CLPB: variants seen among roughly 807,000 people sequenced by gnomAD.
CLPB encodes the protein mitochondrial disaggregase.
CLPB carries 40 observed loss-of-function variants against 78.4 expected under a neutral mutation model. That is an observed-to-expected ratio of 0.51 (90% CI 0.40 to 0.66). The LOEUF is 0.66. CLPB is among the 30% of genes least tolerant of loss of function. The pLI is 0.00. For missense variants in CLPB, 780 were observed against 886.9 expected (o/e 0.88, Z 1.53); for synonymous variants, 333 against 348.0 (o/e 0.96, Z 0.48).
intron 6 of CLPB, among the ~76,000 whole-genome samples, chr11:72,323,025 A>G (rs1444785377): frequency 6.6e-6 from 1 of 152,230 alleles, no homozygotes; most frequent in Non-Finnish European, 1.5e-5. Context: ...TGCACCGTCC[A>G]CCTGGAGATA....
At chr11:72,363,504 C>G (rs1487408948) in intron 4 of CLPB, 1 of 152,162 alleles carries the variant, frequency 6.6e-6, no homozygotes, top group East Asian at 1.9e-4. Context: ...GAACATGTTT[C>G]CATGAGAGGG....
rs773040549 is a variant in CLPB, at chr11:72,295,510, G to A, written c.1468C>T (p.Arg490Cys). 14 of 1,614,016 alleles carry A rather than the reference G, an allele frequency of 8.7e-6. No individual in the cohort carries two copies. Among genetic ancestry groups the A allele is most frequent in the South Asian group, 4.4e-5 (4 of 91,066 alleles). The change falls in exon 12 of 16, where the codon CGT (arginine) becomes TGT (cysteine). Residue 490 changes from arginine (R) to cysteine (C), a missense_variant. By Grantham distance (180) the Arg-to-Cys change is radical. Around this residue, in one of 3 missense-constraint regions of CLPB, gnomAD observed 272 missense variants for 304.0 expected, o/e 0.89. Coordinates refer to ENST00000538039, the MANE Select transcript of CLPB (RefSeq NM_001258392.3). ...GCCATACCCAGGTTTTCGGCAATACGGTTACGGCTCATCTCCAAAGCTTCC... is the reference window on the plus strand; with the variant it reads ...GCCATACCCAGGTTTTCGGCAATACAGTTACGGCTCATCTCCAAAGCTTCC... ...RQEALEMSRN[R>C]IAENLGDVQI...
At position 72,358,991 on chromosome 11, in the gene CLPB, C is replaced by A; in HGVS notation, c.664G>T (p.Asp222Tyr). 1.2e-6 allele frequency: 2 copies of A among 1,613,634 alleles called. No individual in the cohort carries two copies. Among genetic ancestry groups the A allele is most frequent in the Non-Finnish European group, 1.7e-6 (2 of 1,179,956 alleles). ...HSLEVLITRE[D>Y]DFNNRLNNRA... ...TTGTTCAGCCTGTTGTTGAAGTCAT[C>A]CTCTCGGGTGATCAGGACTGGGGAG... Residue 222 changes from aspartate to tyrosine, a missense_variant, in exon 5 of 16, where the codon GAT (aspartate) becomes TAT (tyrosine). Physicochemically the swap from Asp to Tyr is radical, Grantham distance 160. Around this residue, in one of 3 missense-constraint regions of CLPB, gnomAD observed 417 missense variants for 414.7 expected, o/e 1.01. Coordinates refer to ENST00000538039, the MANE Select transcript of CLPB (RefSeq NM_001258392.3).
At chr11:72,319,083 G>C (rs551665095) in intron 6 of CLPB, among the ~76,000 whole-genome samples, 2 of 152,294 alleles carry the variant, frequency 1.3e-5, no homozygotes, top group East Asian at 3.9e-4. Flanking sequence ...CTTCAGTGAT[G>C]AGTTCCAGAG....
chr11:72,421,407 TC>T (rs1175297687), intron 2 of CLPB, among the ~76,000 whole-genome samples: 1 of 152,084 alleles, frequency 6.6e-6, no homozygotes, highest in Non-Finnish European at 1.5e-5. Context: ...CCTCCACTCA[TC>T]AGAGCCGTAT....
intron 4 of CLPB, chr11:72,373,057 T>TCCTGCAGGC (rs772688376): frequency 3.3e-6 from 5 of 1,537,088 alleles, no homozygotes; most frequent in Non-Finnish European, 3.6e-6. Context: ...GCAGGCCAGG[T>TCCTGCAGGC]CCTGCAGGCC....
chr11:72,294,459 TA>T lies in CLPB; in HGVS notation c.1561-16del, dbSNP rs1264839106. On this transcript the variant is annotated splice_polypyrimidine_tract_variant and intron_variant, in intron 13 of 15. Transcript: ENST00000538039. ...CGGAAGTGAGCCTGAAGGGCCAGGT[TA>T]GGGGTGGGATGAGCTCAGTGACCCA... 2 of 1,613,966 alleles carry T rather than the reference TA, an allele frequency of 1.2e-6. No individual in the cohort carries two copies. Among genetic ancestry groups the T allele is most frequent in the African/African-American group, 2.7e-5 (2 of 75,022 alleles).
chr11:72,285,783 G>A lies in CLPB; in HGVS notation c.*7584C>T, dbSNP rs487288. On this transcript the variant is annotated 3_prime_UTR_variant, in exon 16 of 16. Coordinates refer to ENST00000538039, the MANE Select transcript of CLPB (RefSeq NM_001258392.3). ...CTGCTCCCTTCCAGAAATAGGTTAT[G>A]TGTAGAAGAGCAAATATATATATAC... 1 of 152,018 alleles carries A rather than the reference G, an allele frequency of 6.6e-6. No individual in the cohort carries two copies. Among genetic ancestry groups the A allele is most frequent in the Non-Finnish European group, 1.5e-5 (1 of 68,012 alleles). 9.4% of individuals were successfully genotyped at this position (152,018 alleles called of 1,614,324 possible). A position where few individuals can be genotyped will look rare whatever the true frequency, so the allele number is the denominator to read the frequency against.
intron 4 of CLPB, among the ~76,000 whole-genome samples, chr11:72,365,482 T>C (rs1950925644): frequency 6.6e-6 from 1 of 152,170 alleles, no homozygotes; most frequent in Non-Finnish European, 1.5e-5. Context: ...GATAAAAATG[T>C]CCTAAAACTG....
At chr11:72,327,168 T>A (rs1396052665) in intron 6 of CLPB, among the ~76,000 whole-genome samples, 2 of 152,178 alleles carry the variant, frequency 1.3e-5, no homozygotes, top group Non-Finnish European at 2.9e-5. Flanking sequence ...GGGACAGCTG[T>A]GTTAGGGGCT....
Position 72,292,701 on chromosome 11 carries a change from C to G in CLPB, c.*666G>C, listed in dbSNP as rs1196791369. On this transcript the variant is annotated 3_prime_UTR_variant, in exon 16 of 16. Transcript: ENST00000538039. Reference sequence around the variant, plus strand: ...GGCCTCCTCCTGGAGGTGCCCAACACTGGCCTAGTCCCCAAGGCTGACGAA... The same window carrying G: ...GGCCTCCTCCTGGAGGTGCCCAACAGTGGCCTAGTCCCCAAGGCTGACGAA... 2 of 152,488 alleles carry G rather than the reference C, an allele frequency of 1.3e-5. No homozygotes were observed. Among genetic ancestry groups the G allele is most frequent in the Non-Finnish European group, 2.9e-5 (2 of 68,306 alleles). 9.4% of individuals were successfully genotyped at this position (152,488 alleles called of 1,614,324 possible).
At chr11:72,397,349 T>C (rs1278680143) in intron 3 of CLPB, among the ~76,000 whole-genome samples, 1 of 152,232 alleles carries the variant, frequency 6.6e-6, no homozygotes, top group African/African-American at 2.4e-5. Context: ...ATACAGGTAT[T>C]TTTGCAGACG....
intron 11 of CLPB, among the ~76,000 whole-genome samples, chr11:72,296,940 T>C (rs1784257): frequency 0.098 from 14,950 of 152,230 alleles, 1,286 homozygotes; most frequent in African/African-American, 0.23. Flanking sequence ...AGACTTGAAC[T>C]ATCTGACCTC....
At chr11:72,294,796 A>C in intron 12 of CLPB, 103 bp from the exon 13 acceptor site, 1 of 957,906 alleles carries the variant, frequency 1.0e-6, no homozygotes, top group Non-Finnish European at 1.7e-6. Flanking sequence ...GGTCCTGTCC[A>C]TCTGTGTGGT....
intron 2 of CLPB, among the ~76,000 whole-genome samples, chr11:72,426,673 A>G (rs1396252335): frequency 2.6e-5 from 4 of 152,216 alleles, no homozygotes; most frequent in Admixed American, 6.5e-5. Context: ...ATAAAAAGCA[A>G]AGAAAGAGTC....
At chr11:72,383,610 C>T (rs1266833311) in intron 3 of CLPB, among the ~76,000 whole-genome samples, 3 of 151,258 alleles carry the variant, frequency 2.0e-5, no homozygotes, top group African/African-American at 7.3e-5. Context: ...ATATAAGGGA[C>T]TTCCAATAAG....
chr11:72,397,647 T>C (rs1831632998), intron 3 of CLPB, among the ~76,000 whole-genome samples: 2 of 152,216 alleles, frequency 1.3e-5, no homozygotes, highest in Admixed American at 1.3e-4. Flanking sequence ...CCCATCTCTT[T>C]TTCGATGAAG....
chr11:72,315,224 AGG>A (rs1401253623), intron 7 of CLPB, among the ~76,000 whole-genome samples: 1 of 152,122 alleles, frequency 6.6e-6, no homozygotes, highest in Non-Finnish European at 1.5e-5. Context: ...ATCAGAACAC[AGG>A]AGATGAGCAG....
chr11:72,395,932 T>C (rs1184078981), intron 3 of CLPB, among the ~76,000 whole-genome samples: 1 of 152,178 alleles, frequency 6.6e-6, no homozygotes, highest in Non-Finnish European at 1.5e-5. Context: ...CATGGAGCTG[T>C]TGGGGTCCAC....
Sources: allele counts gnomAD v4.1 joint callset (sites outside exome capture counted in the v4.1 genomes callset), GRCh38; gene constraint gnomAD v4.1.1; regional missense constraint gnomAD v4.1.1; transcripts MANE v1.5; gene names NCBI Gene and HGNC (gene_info 2026-07-23, HGNC 2026-07-21).